CCSER1: variants seen among roughly 807,000 people sequenced by gnomAD.
The protein encoded by CCSER1 is coiled-coil serine rich protein 1.
A neutral mutation model predicts 82.0 loss-of-function variants in CCSER1; 41 were observed. That is an observed-to-expected ratio of 0.50 (90% CI 0.39 to 0.65). The LOEUF is 0.65. CCSER1 is among the 30% of genes least tolerant of loss of function. The probability of loss-of-function intolerance (pLI) is 0.00; values close to 1 mark genes in which losing one functional copy is unlikely to be tolerated. For missense variants in CCSER1, 1,119 were observed against 1,064.2 expected, an observed-to-expected ratio of 1.05 and a Z score of -0.72; for synonymous variants, 414 against 383.9, an observed-to-expected ratio of 1.08 and a Z score of -0.92.
chr4:90,284,857 C>G (rs1161263821), intron 1 of CCSER1, among the ~76,000 whole-genome samples: 1 of 151,922 alleles, frequency 6.6e-6, no homozygotes, highest in Non-Finnish European at 1.5e-5. Flanking sequence ...ATATGGATAT[C>G]CAGTTTTCCC....
intron 10 of CCSER1, among the ~76,000 whole-genome samples, chr4:91,152,450 T>A (rs1169521882): frequency 6.6e-6 from 1 of 151,890 alleles, no homozygotes; most frequent in South Asian, 2.1e-4. Flanking sequence ...TACCTTTACC[T>A]TTATGTTTAT....
intron 7 of CCSER1, among the ~76,000 whole-genome samples, chr4:90,795,241 C>T (rs545445463): frequency 1.3e-3 from 198 of 149,174 alleles, no homozygotes; most frequent in African/African-American, 4.7e-3. Context: ...GAGCCGAGAT[C>T]GTGCCACTGC....
intron 1 of CCSER1, among the ~76,000 whole-genome samples, chr4:90,140,825 C>T (rs538264491): frequency 2.6e-4 from 39 of 151,456 alleles, no homozygotes; most frequent in South Asian, 1.7e-3. Flanking sequence ...CCACCAAGCC[C>T]GGCTAATTTT....
intron 3 of CCSER1, among the ~76,000 whole-genome samples, chr4:90,365,710 T>G (rs1263339640): frequency 6.6e-6 from 1 of 151,896 alleles, no homozygotes; most frequent in Non-Finnish European, 1.5e-5. Context: ...ACTGTTGAAC[T>G]GTGAATAAAG....
chr4:91,491,337 C>A (rs572386890), intron 10 of CCSER1, among the ~76,000 whole-genome samples: 1 of 151,998 alleles, frequency 6.6e-6, no homozygotes, highest in Non-Finnish European at 1.5e-5. Flanking sequence ...AGTCAGTAAA[C>A]CTCTGTAAAA....
At chr4:91,174,817 CTTTTCTT>C (rs1733140797) in intron 10 of CCSER1, among the ~76,000 whole-genome samples, 4 of 75,942 alleles carry the variant, frequency 5.3e-5, no homozygotes. Context: ...CTTTGTTTTT[CTTTTCTT>C]TTTTTTTTTT....
At chr4:90,567,044 A>AAAG (rs1779489086) in intron 5 of CCSER1, among the ~76,000 whole-genome samples, 2 of 151,274 alleles carry the variant, frequency 1.3e-5, no homozygotes, top group Non-Finnish European at 2.9e-5. Context: ...AAACAAAAAA[A>AAAG]CCTCTTGGTT....
intron 1 of CCSER1, among the ~76,000 whole-genome samples, chr4:90,303,526 A>G (rs563693182): frequency 6.7e-4 from 102 of 152,248 alleles, no homozygotes; most frequent in Middle Eastern, 3.4e-3. Context: ...TCTTTGACAA[A>G]TCTGAGAAAA....
chr4:90,330,963 T>A (rs1234324259), intron 3 of CCSER1, among the ~76,000 whole-genome samples: 1 of 152,112 alleles, frequency 6.6e-6, no homozygotes, highest in Non-Finnish European at 1.5e-5. Context: ...TTTTAGGAAA[T>A]CAGAACAAGC....
At chr4:91,199,166 A>G (rs1038059180) in intron 10 of CCSER1, among the ~76,000 whole-genome samples, 2 of 152,118 alleles carry the variant, frequency 1.3e-5, no homozygotes, top group Non-Finnish European at 2.9e-5. Context: ...CCTATATCAC[A>G]TGTTCCACAC....
chr4:90,883,166 G>A (rs1721598676), intron 8 of CCSER1, among the ~76,000 whole-genome samples: 1 of 151,828 alleles, frequency 6.6e-6, no homozygotes, highest in African/African-American at 2.4e-5. Context: ...CTGTTTCACT[G>A]AATTTTAGTC....
chr4:90,717,450 A>C (rs1741824817), intron 6 of CCSER1, among the ~76,000 whole-genome samples: 1 of 152,176 alleles, frequency 6.6e-6, no homozygotes, highest in African/African-American at 2.4e-5. Flanking sequence ...CTAAAGTACA[A>C]GGGGTAGTCC....
At position 90,601,552 on chromosome 4, in the gene CCSER1, A is replaced by T. The variant is rs749727672; in HGVS notation, c.1725-26473A>T. Among the ~76,000 whole-genome samples the T allele has an allele frequency of 5.3e-5, 8 of 151,650 alleles. No individual in the cohort carries two copies. The East Asian group carries it at 1.5e-3, about 29-fold the overall frequency. On this transcript the variant is annotated intron_variant, in intron 5 of 10. Coordinates refer to ENST00000509176, the MANE Select transcript of CCSER1 (RefSeq NM_001145065.2). ...ACTTTCTTTACTTGTATGCTATTTT[A>T]TTTAGTTCCATTCTCATCTATGCTA...
chr4:91,296,483 A>ATATATATT (rs1175690764), intron 10 of CCSER1, among the ~76,000 whole-genome samples: 2 of 124,066 alleles, frequency 1.6e-5, no homozygotes, highest in African/African-American at 6.9e-5. Context: ...ATATATATAT[A>ATATATATT]TATTTTAATT....
At chr4:90,458,824 T>C (rs1369950338) in intron 4 of CCSER1, among the ~76,000 whole-genome samples, 1 of 152,214 alleles carries the variant, frequency 6.6e-6, no homozygotes, top group African/African-American at 2.4e-5. Context: ...TTCACAGACC[T>C]CCAGTGGTGC....
intron 8 of CCSER1, among the ~76,000 whole-genome samples, chr4:90,838,648 C>A (rs1490314469): frequency 1.3e-5 from 2 of 152,056 alleles, no homozygotes; most frequent in African/African-American, 4.8e-5. Context: ...TCACTGTTGT[C>A]CCACCCCACT....
chr4:90,729,599 G>C (rs1053967059), intron 7 of CCSER1, among the ~76,000 whole-genome samples: 4 of 152,104 alleles, frequency 2.6e-5, no homozygotes, highest in Non-Finnish European at 5.9e-5. Context: ...ATATTGGCCG[G>C]GCGCAGTGGC....
intron 10 of CCSER1, among the ~76,000 whole-genome samples, chr4:91,256,713 G>A (rs965323831): frequency 4.6e-5 from 7 of 151,990 alleles, no homozygotes; most frequent in South Asian, 4.2e-4. Flanking sequence ...TGCCATGTAG[G>A]TGGCACAAAA....
At chr4:90,157,796 T>C (rs1728561848) in intron 1 of CCSER1, among the ~76,000 whole-genome samples, 1 of 152,192 alleles carries the variant, frequency 6.6e-6, no homozygotes, top group Non-Finnish European at 1.5e-5. Flanking sequence ...TCGAAGTTTT[T>C]AACTTCTTTG....
Sources: gnomAD v4.1 joint callset for allele counts (sites outside exome capture counted in the v4.1 genomes callset) on GRCh38, gnomAD v4.1.1 for gene constraint, MANE v1.5 for transcripts, NCBI Gene and HGNC (gene_info 2026-07-23, HGNC 2026-07-21) for gene names.